The following PARD3B variants were observed in gnomAD, a reference collection of about 807,000 sequenced individuals.
The protein encoded by PARD3B is partitioning defective 3 homolog B.
A neutral mutation model predicts 130.2 loss-of-function variants in PARD3B; 103 were observed. That is an observed-to-expected ratio of 0.79 (90% CI 0.67 to 0.93). PARD3B has a LOEUF of 0.93. PARD3B is among the 40% of genes least tolerant of loss of function. PARD3B has a pLI of 0.00. For synonymous variants in PARD3B, 583 were observed against 553.2 expected (o/e 1.05, Z -0.76); for missense variants, 1,609 against 1,499.2 (o/e 1.07, Z -1.21).
intron 18 of PARD3B, among the ~76,000 whole-genome samples, chr2:205,332,912 T>C (rs1246989088): frequency 1.3e-5 from 2 of 152,214 alleles, no homozygotes; most frequent in African/African-American, 4.8e-5. Context: ...GAGGCTTGAA[T>C]TAGTGAGGTT....
At chr2:204,681,098 ATATTATTGGGTACGTAC>A (rs1305856962) in intron 1 of PARD3B, among the ~76,000 whole-genome samples, 1 of 152,082 alleles carries the variant, frequency 6.6e-6, no homozygotes, top group African/African-American at 2.4e-5. Flanking sequence ...TATTAAAGTT[ATATTATTGGGTACGTAC>A]ACATTTAACA....
intron 2 of PARD3B, among the ~76,000 whole-genome samples, chr2:204,779,441 A>G (rs1043267844): frequency 1.3e-5 from 2 of 152,168 alleles, no homozygotes; most frequent in Non-Finnish European, 2.9e-5. Flanking sequence ...CTCACTAGCC[A>G]TCACGTATGT....
At chr2:205,479,895 ATTTTTTTTTTTTTT>A (rs71032475) in intron 20 of PARD3B, among the ~76,000 whole-genome samples, 1 of 127,828 alleles carries the variant, frequency 7.8e-6, no homozygotes, top group African/African-American at 3.1e-5. Context: ...GCCATATGCA[ATTTTTTTTTTTTTT>A]TTTTTTTTTT....
At position 205,224,670 on chromosome 2, in the gene PARD3B, C is replaced by T. The variant is rs113840738; in HGVS notation, c.2141-21108C>T. Among the ~76,000 whole-genome samples, 663 of 150,918 alleles carry T rather than the reference C, an allele frequency of 4.4e-3. 4 individuals are homozygous for T. Among genetic ancestry groups the T allele is most frequent in the African/African-American group, 0.015 (629 of 41,232 alleles). The stretch of plus-strand genomic sequence containing the variant: ...ATCCCACAAAAAAAGTGAGAACATT[C>T]AAAGTTTGCCTTTCTGTGCCTGGCT... On this transcript the variant is annotated intron_variant, in intron 15 of 22. Coordinates refer to ENST00000406610, the MANE Select transcript of PARD3B (RefSeq NM_001302769.2).
In PARD3B at chr2:204,859,162, T is replaced by A. The variant is rs111757924; in HGVS notation, c.223-105990T>A. 5.3e-5 allele frequency among the ~76,000 whole-genome samples: 8 copies of A among 152,254 alleles called. 1 individual carries two copies. The highest frequency in any genetic ancestry group is 1.9e-4 in the African/African-American group (8 of 41,564). On this transcript the variant is annotated intron_variant, in intron 2 of 22. Coordinates refer to ENST00000406610, the MANE Select transcript of PARD3B (RefSeq NM_001302769.2). ...AATAGCCAATTTTTTCTTTTCTTTT[T>A]TCTTTTTCTTGAAGTGAGCAGAATA...
At chr2:205,521,970 TGATA>T (rs2051080432) in intron 21 of PARD3B, among the ~76,000 whole-genome samples, 1 of 152,082 alleles carries the variant, frequency 6.6e-6, no homozygotes. Flanking sequence ...TCAGCTTTTC[TGATA>T]GATACAGATA....
At chr2:205,007,964 A>G (rs988651007) in intron 3 of PARD3B, among the ~76,000 whole-genome samples, 5 of 152,170 alleles carry the variant, frequency 3.3e-5, no homozygotes, top group Non-Finnish European at 5.9e-5. Flanking sequence ...TGCAAAAAAG[A>G]TTGAGTTCCT....
chr2:205,059,085 T>C (rs886151736), intron 4 of PARD3B, among the ~76,000 whole-genome samples: 1 of 152,106 alleles, frequency 6.6e-6, no homozygotes, highest in South Asian at 2.1e-4. Context: ...GGTCTTCGAT[T>C]TATTTTGAGT....
At chr2:205,363,792 G>A (rs930335955) in intron 18 of PARD3B, among the ~76,000 whole-genome samples, 5 of 147,410 alleles carry the variant, frequency 3.4e-5, no homozygotes, top group Admixed American at 3.3e-4. Flanking sequence ...AGCCTTCTAA[G>A]TAGCTGGGAC....
At chr2:205,523,194 A>T in intron 21 of PARD3B, among the ~76,000 whole-genome samples, 1 of 139,504 alleles carries the variant, frequency 7.2e-6, no homozygotes, top group African/African-American at 2.7e-5. Context: ...CTGTTTTCTT[A>T]CCCCCGTGTA....
chr2:205,399,363 G>T (rs1401338128), intron 18 of PARD3B, among the ~76,000 whole-genome samples: 2 of 151,816 alleles, frequency 1.3e-5, no homozygotes, highest in East Asian at 1.9e-4. Context: ...TTGTTTGTTT[G>T]TTTGTTTTTG....
chr2:205,027,752 A>T (rs1328422822), intron 3 of PARD3B, among the ~76,000 whole-genome samples: 1 of 152,130 alleles, frequency 6.6e-6, no homozygotes, highest in Non-Finnish European at 1.5e-5. Context: ...ATGAGGTAAG[A>T]TAAGGGCCTA....
At chr2:205,206,204 C>CT (rs559433029) in intron 15 of PARD3B, among the ~76,000 whole-genome samples, 3,950 of 131,502 alleles carry the variant, frequency 0.03, 175 homozygotes, top group African/African-American at 0.11. Context: ...TTCTGTGTTC[C>CT]TTTTTTTTTT....
chr2:204,822,328 C>T (rs2043392800), intron 2 of PARD3B, among the ~76,000 whole-genome samples: 1 of 152,156 alleles, frequency 6.6e-6, no homozygotes, highest in Admixed American at 6.5e-5. Context: ...TGAGGAATTG[C>T]TTCTTCTGGA....
rs190716019 is a variant in PARD3B at position 204,960,124 on chromosome 2, G to A, written c.223-5028G>A. ...GACACATCACTGTTGAGCTTATGAC[G>A]TGCCTCTTCAGGCTGCATCTCCACT... On this transcript the variant is annotated intron_variant, in intron 2 of 22. Transcript: ENST00000406610. Among the ~76,000 whole-genome samples, 323 of 152,272 alleles carry A rather than the reference G, an allele frequency of 2.1e-3. 1 individual carries two copies. Among genetic ancestry groups the A allele is most frequent in the South Asian group, 3.9e-3 (19 of 4,828 alleles).
intron 22 of PARD3B, among the ~76,000 whole-genome samples, chr2:205,600,075 A>G (rs1004477578): frequency 2.0e-5 from 3 of 152,144 alleles, no homozygotes; most frequent in African/African-American, 7.2e-5. Context: ...CTGAAGCTGA[A>G]CCACAACTTT....
chr2:205,322,680 C>T (rs907540302), intron 18 of PARD3B, among the ~76,000 whole-genome samples: 2 of 151,922 alleles, frequency 1.3e-5, no homozygotes, highest in African/African-American at 2.4e-5. Flanking sequence ...GGAGTAGTAA[C>T]GTTCTACAGA....
chr2:204,585,452 G>T (rs1314110589), intron 1 of PARD3B, among the ~76,000 whole-genome samples: 1 of 151,578 alleles, frequency 6.6e-6, no homozygotes, highest in Non-Finnish European at 1.5e-5. Context: ...TCCCATCTCA[G>T]CCTCCTAAGT....
intron 2 of PARD3B, among the ~76,000 whole-genome samples, chr2:204,860,267 A>G (rs1243517303): frequency 6.6e-6 from 1 of 152,136 alleles, no homozygotes; most frequent in African/African-American, 2.4e-5. Context: ...GCTTTTTGCC[A>G]TCTTTAGAAC....
Sources: allele counts gnomAD v4.1 joint callset (sites outside exome capture counted in the v4.1 genomes callset), GRCh38; gene constraint gnomAD v4.1.1; transcripts MANE v1.5; gene names NCBI Gene and HGNC (gene_info 2026-07-23, HGNC 2026-07-21).